CBR4: variants seen among roughly 807,000 people sequenced by gnomAD.
CBR4 encodes carbonyl reductase 4.
In CBR4, 22 loss-of-function variants were observed where a neutral mutation model predicts 21.0. That is an observed-to-expected ratio of 1.05 (90% confidence interval 0.75 to 1.50). The LOEUF (loss-of-function observed/expected upper bound fraction) is 1.50. Ranked by LOEUF, CBR4 falls within the 40% of genes most tolerant of loss-of-function variation. CBR4 has a pLI of 0.00. For missense variants in CBR4, 302 were observed against 286.3 expected, an observed-to-expected ratio of 1.05 and a Z score of -0.40; for synonymous variants, 100 against 104.4, an observed-to-expected ratio of 0.96 and a Z score of 0.26.
In CBR4 at chr4:168,903,836, G is replaced by T. The variant is rs1197603175; in HGVS notation, n.170-9071C>A. 9.9e-6 allele frequency: 16 copies of T among 1,612,586 alleles called. No homozygotes were observed. The highest frequency in any genetic ancestry group is 1.3e-5 in the Non-Finnish European group (15 of 1,178,794). ...ATTCAAAGAGATCTCGATGGGACCT[G>T]CTCCCTCCATACCACAGCCTCCACC... On this transcript the variant is annotated intron_variant and non_coding_transcript_variant, in intron 2 of 3. Transcript: ENST00000509108.
At chr4:168,932,927 CAAGA>C (rs748939962) in intron 2 of CBR4, among the ~76,000 whole-genome samples, 1 of 152,036 alleles carries the variant, frequency 6.6e-6, no homozygotes, top group Non-Finnish European at 1.5e-5. Flanking sequence ...AAGAAACACT[CAAGA>C]GAGTTTTAGA....
downstream of CBR4, among the ~76,000 whole-genome samples, chr4:168,982,634 A>G (rs1448621231): frequency 3.9e-5 from 6 of 152,212 alleles, no homozygotes; most frequent in African/African-American, 1.2e-4. Context: ...TCATCTGCAC[A>G]AGGAACATAC....
chr4:168,993,212 CT>C (rs150721961), intron 4 of CBR4, among the ~76,000 whole-genome samples: 313 of 139,354 alleles, frequency 2.2e-3, no homozygotes, highest in East Asian at 3.9e-3. Context: ...ATGTATTTTC[CT>C]TTTTTTTTTT....
chr4:169,010,147 C>A lies in CBR4; in HGVS notation c.-58G>T. 7.2e-7 allele frequency: 1 copy of A among 1,395,442 alleles called. No individual in the cohort carries two copies. The highest frequency in any genetic ancestry group is 9.5e-7 in the Non-Finnish European group (1 of 1,054,308). The allele number at this position is 1,395,442 out of a possible 1,614,324, so 86.4% of individuals were successfully genotyped here. A position where few individuals can be genotyped will look rare whatever the true frequency, so the allele number is the denominator to read the frequency against. Reference sequence around the variant, plus strand: ...GGGAGTGGGAGCCCCTCTCCAGGTTCCCTCAGGCTTTTAAACAACCGCGGT... The same window carrying A: ...GGGAGTGGGAGCCCCTCTCCAGGTTACCTCAGGCTTTTAAACAACCGCGGT... On this transcript the variant is annotated 5_prime_UTR_variant, in exon 1 of 5. Coordinates refer to ENST00000306193, the MANE Select transcript of CBR4 (RefSeq NM_032783.5).
Position 168,987,672 on chromosome 4 carries a change from T to C in CBR4, c.*2478A>G, listed in dbSNP as rs1764735250. 5 of 976,934 alleles carry C rather than the reference T, an allele frequency of 5.1e-6. No individual in the cohort carries two copies. Among genetic ancestry groups the C allele is most frequent in the Non-Finnish European group, 6.1e-6 (5 of 822,140 alleles). 60.5% of individuals were successfully genotyped at this position (976,934 alleles called of 1,614,324 possible). ...GTTATGATTTCTCAATTTACACATATTCCTTTTGAAAATCTTAGAAAAAAT... is the reference window on the plus strand; with the variant it reads ...GTTATGATTTCTCAATTTACACATACTCCTTTTGAAAATCTTAGAAAAAAT... On this transcript the variant is annotated 3_prime_UTR_variant, in exon 5 of 5. Coordinates refer to ENST00000306193, the MANE Select transcript of CBR4 (RefSeq NM_032783.5).
At chr4:169,005,891 G>C (rs148512401) in intron 3 of CBR4, 3 of 1,288,542 alleles carry the variant, frequency 2.3e-6, no homozygotes, top group Non-Finnish European at 3.0e-6. Context: ...TTACTTTTAT[G>C]GAGCAGCATC....
chr4:168,990,460 A>C, intron 4 of CBR4, 132 bp from the exon 5 acceptor site: 2 of 758,918 alleles, frequency 2.6e-6, no homozygotes, highest in Non-Finnish European at 3.8e-6. Flanking sequence ...TTTTTGAGAC[A>C]GGGTCTCACT....
intron 2 of CBR4, chr4:168,915,814 T>C (rs1231409343): frequency 1.4e-5 from 16 of 1,110,718 alleles, no homozygotes; most frequent in Admixed American, 3.4e-5. Context: ...ACCCCATGTA[T>C]TTTAAGAAAA....
At chr4:168,991,078 T>C (rs1006551981) in intron 4 of CBR4, among the ~76,000 whole-genome samples, 2 of 151,914 alleles carry the variant, frequency 1.3e-5, no homozygotes, top group Non-Finnish European at 2.9e-5. Flanking sequence ...CAAAACAAAA[T>C]AGTTTTGTTA....
intron 2 of CBR4, among the ~76,000 whole-genome samples, chr4:168,971,052 T>A (rs189592220): frequency 3.9e-5 from 6 of 152,312 alleles, no homozygotes; most frequent in Admixed American, 3.9e-4. Context: ...CTCCATACTG[T>A]TTTCCATAGT....
intron 2 of CBR4, among the ~76,000 whole-genome samples, chr4:168,918,660 T>A (rs1179734842): frequency 6.6e-6 from 1 of 152,154 alleles, no homozygotes; most frequent in Non-Finnish European, 1.5e-5. Context: ...ACTTGAAAAT[T>A]GCTAAGAGTA....
At chr4:168,937,096 G>C (rs974287332) in intron 2 of CBR4, among the ~76,000 whole-genome samples, 2 of 152,268 alleles carry the variant, frequency 1.3e-5, no homozygotes, top group Admixed American at 1.3e-4. Flanking sequence ...AAGCCCATCA[G>C]ACTAACAGCA....
chr4:168,953,424 T>A (rs1032726745), intron 2 of CBR4, among the ~76,000 whole-genome samples: 1 of 145,886 alleles, frequency 6.9e-6, no homozygotes, highest in Admixed American at 6.9e-5. Flanking sequence ...CTGATCTGCA[T>A]TTTTTTTTTT....
At chr4:168,948,376 C>G (rs1196960279) in intron 2 of CBR4, among the ~76,000 whole-genome samples, 1 of 152,014 alleles carries the variant, frequency 6.6e-6, no homozygotes, top group Admixed American at 6.6e-5. Context: ...TAGTTTAAGT[C>G]CCAGCTATTT....
intron 1 of CBR4, chr4:169,008,915 C>G (rs986011718): frequency 2.2e-6 from 1 of 449,038 alleles, no homozygotes; most frequent in Non-Finnish European, 4.4e-6. Flanking sequence ...GATACCAAAC[C>G]GATCAATAAT....
intron 2 of CBR4, 53 bp downstream of exon 2, chr4:169,007,583 G>T (rs1731013717): frequency 7.1e-6 from 8 of 1,133,004 alleles, no homozygotes; most frequent in South Asian, 2.0e-5. Flanking sequence ...GACATATTAG[G>T]AATAAAAGTT....
chr4:168,903,640 C>A, intron 2 of CBR4: 1 of 837,230 alleles, frequency 1.2e-6, no homozygotes, highest in Non-Finnish European at 2.0e-6. Flanking sequence ...TTTGGTTTAA[C>A]ATTTTAACAT....
intron 2 of CBR4, among the ~76,000 whole-genome samples, chr4:168,950,515 T>C (rs1763510663): frequency 6.6e-6 from 1 of 152,192 alleles, no homozygotes; most frequent in African/African-American, 2.4e-5. Context: ...TGGCCTATCA[T>C]ATGGTCTATC....
At chr4:168,920,874 TTTG>T (rs1392839998) in intron 2 of CBR4, among the ~76,000 whole-genome samples, 21 of 152,296 alleles carry the variant, frequency 1.4e-4, no homozygotes, top group African/African-American at 5.1e-4. Context: ...CAGCTGAGTA[TTTG>T]TTATTATTGT....
Sources: gnomAD v4.1 joint callset for allele counts (sites outside exome capture counted in the v4.1 genomes callset) on GRCh38, gnomAD v4.1.1 for gene constraint, MANE v1.5 for transcripts, NCBI Gene and HGNC (gene_info 2026-07-23, HGNC 2026-07-21) for gene names.